NTRK2: variants seen among roughly 807,000 people sequenced by gnomAD.
NTRK2 encodes neurotrophic receptor tyrosine kinase 2.
NTRK2 carries 13 observed loss-of-function variants against 94.5 expected under a neutral mutation model. The ratio of observed to expected loss-of-function variants is 0.14; its 90% CI spans 0.09 to 0.22. NTRK2 has a LOEUF of 0.22. Among genes scored for constraint, NTRK2 ranks in the 10% least tolerant of loss-of-function variants. The pLI is 1.00. For missense variants in NTRK2, 639 were observed against 1,071.2 expected, an observed-to-expected ratio of 0.60 and a Z score of 5.63; for synonymous variants, 372 against 407.4, an observed-to-expected ratio of 0.91 and a Z score of 1.05.
intron 14 of NTRK2, among the ~76,000 whole-genome samples, chr9:84,892,628 T>C (rs1394736501): frequency 1.3e-5 from 2 of 152,194 alleles, no homozygotes; most frequent in African/African-American, 4.8e-5. Context: ...AGTTCAATAT[T>C]TACTGTCCTA....
intron 12 of NTRK2, among the ~76,000 whole-genome samples, chr9:84,858,899 C>CATCAGAA (rs1271613689): frequency 2.0e-5 from 3 of 152,096 alleles, no homozygotes; most frequent in Non-Finnish European, 4.4e-5. Context: ...TATGATTTGA[C>CATCAGAA]ATCAGAAGAT....
At chr9:85,006,757 C>A (rs375220549) in intron 17 of NTRK2, among the ~76,000 whole-genome samples, 11 of 152,280 alleles carry the variant, frequency 7.2e-5, no homozygotes, top group African/African-American at 2.6e-4. Context: ...GTTCATTACC[C>A]TATGCACAAC....
intron 14 of NTRK2, among the ~76,000 whole-genome samples, chr9:84,925,201 C>CTTTTTTT (rs562875058): frequency 1.4e-4 from 20 of 141,284 alleles, no homozygotes; most frequent in East Asian, 6.3e-4. Context: ...TTCTCTTCTT[C>CTTTTTTT]TTTTTTTTTT....
At chr9:85,010,679 C>T (rs1831466631) in intron 17 of NTRK2, among the ~76,000 whole-genome samples, 1 of 152,142 alleles carries the variant, frequency 6.6e-6, no homozygotes. Context: ...AGGGGAAGAA[C>T]ATGTTGTTAC....
chr9:84,947,849 C>T (rs1043221935), intron 15 of NTRK2, among the ~76,000 whole-genome samples: 8 of 152,178 alleles, frequency 5.3e-5, no homozygotes, highest in African/African-American at 1.9e-4. Context: ...GTTATCTAAG[C>T]AGAGAACTAA....
chr9:84,845,250 T>TACACACACACACACACACACAC (rs58910921), intron 12 of NTRK2, among the ~76,000 whole-genome samples: 1 of 147,902 alleles, frequency 6.8e-6, no homozygotes, highest in African/African-American at 2.5e-5. Flanking sequence ...ATGTGGTGTA[T>TACACACACACACACACACACAC]ACACACACAC....
At chr9:84,862,974 T>C (rs2075402647) in intron 13 of NTRK2, among the ~76,000 whole-genome samples, 1 of 152,034 alleles carries the variant, frequency 6.6e-6, no homozygotes, top group African/African-American at 2.4e-5. Context: ...GTTGGGGTGT[T>C]GTCTCTGGAT....
intron 15 of NTRK2, among the ~76,000 whole-genome samples, chr9:84,937,941 G>A (rs959294202): frequency 6.6e-6 from 1 of 151,986 alleles, no homozygotes; most frequent in Non-Finnish European, 1.5e-5. Context: ...TGGGATTCAT[G>A]GTCTCTCCTC....
At chr9:84,907,791 C>G (rs2077119852) in intron 14 of NTRK2, among the ~76,000 whole-genome samples, 1 of 151,440 alleles carries the variant, frequency 6.6e-6, no homozygotes, top group South Asian at 2.1e-4. Flanking sequence ...CCTATGTTGC[C>G]TTTTGCTTTG....
At chr9:84,705,748 C>A (rs2061011428) in intron 4 of NTRK2, among the ~76,000 whole-genome samples, 1 of 144,276 alleles carries the variant, frequency 6.9e-6, no homozygotes, top group African/African-American at 2.6e-5. Flanking sequence ...GGCAGACTGA[C>A]TTTTCAATGC....
chr9:84,746,955 T>C (rs1173242999), intron 11 of NTRK2, among the ~76,000 whole-genome samples: 1 of 152,236 alleles, frequency 6.6e-6, no homozygotes, highest in South Asian at 2.1e-4. Flanking sequence ...CACAGCTGTC[T>C]TCTTAAGCCT....
chr9:84,790,596 T>C (rs575402748), intron 12 of NTRK2, among the ~76,000 whole-genome samples: 1 of 152,366 alleles, frequency 6.6e-6, no homozygotes, highest in African/African-American at 2.4e-5. Flanking sequence ...TGCTATTTGC[T>C]ATGCCTGCTG....
chr9:84,719,062 T>A (rs2061892470), intron 6 of NTRK2, among the ~76,000 whole-genome samples: 1 of 152,170 alleles, frequency 6.6e-6, no homozygotes, highest in Non-Finnish European at 1.5e-5. Context: ...ACGTAATTAT[T>A]TTTAAATGAA....
intron 17 of NTRK2, among the ~76,000 whole-genome samples, chr9:84,965,015 C>A (rs1375386003): frequency 2.0e-5 from 3 of 151,988 alleles, no homozygotes; most frequent in Non-Finnish European, 2.9e-5. Flanking sequence ...TTAAAGTTTC[C>A]CTGCCTACAC....
chr9:84,706,113 C>T (rs1252989360), intron 4 of NTRK2, among the ~76,000 whole-genome samples: 1 of 152,010 alleles, frequency 6.6e-6, no homozygotes, highest in Non-Finnish European at 1.5e-5. Context: ...AATTCACGTT[C>T]CAAAAGAAGA....
chr9:84,750,846 A>G (rs1381080034), intron 11 of NTRK2, among the ~76,000 whole-genome samples: 2 of 152,216 alleles, frequency 1.3e-5, no homozygotes, highest in African/African-American at 2.4e-5. Context: ...CTAAAATGTT[A>G]AGATGCACTT....
chr9:84,809,714 G>A (rs543515888), intron 12 of NTRK2, among the ~76,000 whole-genome samples: 10 of 151,020 alleles, frequency 6.6e-5, no homozygotes, highest in Admixed American at 1.3e-4. Flanking sequence ...AAACCCTGCC[G>A]CTACTAAAAA....
chr9:84,731,869 G>T (rs2062916770), intron 9 of NTRK2, among the ~76,000 whole-genome samples: 1 of 152,138 alleles, frequency 6.6e-6, no homozygotes, highest in Non-Finnish European at 1.5e-5. Context: ...CATTTCCCCA[G>T]CCAGCAGGCT....
At chr9:84,854,946 CAAAAAAAAAAAAA>C (rs149925184) in intron 12 of NTRK2, among the ~76,000 whole-genome samples, 5 of 63,364 alleles carry the variant, frequency 7.9e-5, no homozygotes, top group Non-Finnish European at 1.3e-4. Context: ...GACTCCGTCT[CAAAAAAAAAAAAA>C]AAAAAAAAAA....
Sources: allele counts gnomAD v4.1 joint callset (sites outside exome capture counted in the v4.1 genomes callset), GRCh38; gene constraint gnomAD v4.1.1; transcripts MANE v1.5; gene names NCBI Gene and HGNC (gene_info 2026-07-23, HGNC 2026-07-21).